VSTM5: variants seen among roughly 807,000 people sequenced by gnomAD.
VSTM5 encodes the protein V-set and transmembrane domain containing 5.
Under a neutral mutation model 20.3 loss-of-function variants are expected in VSTM5, and 21 were observed. The observed-to-expected ratio is 1.03, with a 90% CI of 0.73 to 1.49. VSTM5 has a LOEUF of 1.49. Among genes scored for constraint, VSTM5 ranks in the 40% most tolerant of loss-of-function variants. The pLI is 0.00. For missense variants in VSTM5, 219 were observed against 250.0 expected (o/e 0.88, Z 0.84); for synonymous variants, 100 against 102.5 (o/e 0.98, Z 0.14).
chr11:93,824,109 T>C (rs1944213492), intron 1 of VSTM5, among the ~76,000 whole-genome samples: 1 of 152,174 alleles, frequency 6.6e-6, no homozygotes, highest in African/African-American at 2.4e-5. Flanking sequence ...GGTTTCACCA[T>C]GTTGGTCAGG....
At chr11:93,822,719 G>A (rs553348861) in intron 1 of VSTM5, among the ~76,000 whole-genome samples, 2 of 151,880 alleles carry the variant, frequency 1.3e-5, no homozygotes, top group African/African-American at 4.8e-5. Flanking sequence ...TGAACTCCTG[G>A]CCTCAATTGA....
At chr11:93,850,334 G>A (rs1333891775) in intron 1 of VSTM5, 78 bp downstream of exon 1, 7 of 1,335,058 alleles carry the variant, frequency 5.2e-6, no homozygotes, top group Non-Finnish European at 7.2e-6. Flanking sequence ...GGGGGCCGCT[G>A]CTAGACCCCG....
chr11:93,847,400 C>A (rs2135741544), intron 1 of VSTM5, among the ~76,000 whole-genome samples: 1 of 152,304 alleles, frequency 6.6e-6, no homozygotes, highest in Admixed American at 6.5e-5. Context: ...GCCCAGAACC[C>A]ACAGCTCCAT....
chr11:93,829,036 G>A (rs1478219162), intron 1 of VSTM5, among the ~76,000 whole-genome samples: 1 of 152,148 alleles, frequency 6.6e-6, no homozygotes, highest in Non-Finnish European at 1.5e-5. Flanking sequence ...ACACATGTAA[G>A]GCTCAGCAAC....
chr11:93,830,703 G>T (rs1483360531), intron 1 of VSTM5, among the ~76,000 whole-genome samples: 1 of 152,002 alleles, frequency 6.6e-6, no homozygotes, highest in East Asian at 1.9e-4. Context: ...CCCCAAGTCT[G>T]CTGAGAGTCA....
At chr11:93,839,205 G>C (rs1447867623) in intron 1 of VSTM5, among the ~76,000 whole-genome samples, 2 of 152,250 alleles carry the variant, frequency 1.3e-5, no homozygotes, top group Non-Finnish European at 2.9e-5. Flanking sequence ...GTGGCCCCAA[G>C]AGACAGGCTG....
chr11:93,829,319 G>T (rs1407450950), intron 1 of VSTM5, among the ~76,000 whole-genome samples: 1 of 152,188 alleles, frequency 6.6e-6, no homozygotes, highest in Non-Finnish European at 1.5e-5. Flanking sequence ...CTGAAGTCAG[G>T]AGTTTCAGAA....
chr11:93,821,538 T>C (rs1425572115), intron 1 of VSTM5: 17 of 571,266 alleles, frequency 3.0e-5, no homozygotes, highest in Non-Finnish European at 5.2e-5. Context: ...TTTTTCCATT[T>C]TGAAGACTAT....
At chr11:93,838,302 G>A (rs912724904) in intron 1 of VSTM5, among the ~76,000 whole-genome samples, 1 of 151,878 alleles carries the variant, frequency 6.6e-6, no homozygotes, top group Admixed American at 6.6e-5. Context: ...GTGAAACTCC[G>A]TCTCTATTAA....
At chr11:93,821,385 T>C (rs928310466) in intron 1 of VSTM5, 62 bp from the exon 2 acceptor site, 18 of 1,377,556 alleles carry the variant, frequency 1.3e-5, no homozygotes, top group South Asian at 7.0e-5. Flanking sequence ...AGTGAACTTA[T>C]ATAATTTGTT....
chr11:93,844,587 TTAAAG>T (rs1356918271), intron 1 of VSTM5, among the ~76,000 whole-genome samples: 3 of 152,162 alleles, frequency 2.0e-5, no homozygotes, highest in Non-Finnish European at 2.9e-5. Flanking sequence ...AAAAGCCTGA[TTAAAG>T]TAAAGAATGA....
intron 1 of VSTM5, among the ~76,000 whole-genome samples, chr11:93,833,795 T>C (rs1944301572): frequency 6.6e-6 from 1 of 152,114 alleles, no homozygotes; most frequent in Admixed American, 6.5e-5. Flanking sequence ...AGTTACAGCA[T>C]CATCCTGTGT....
intron 1 of VSTM5, among the ~76,000 whole-genome samples, chr11:93,838,471 TA>T (rs1180287204): frequency 7.1e-6 from 1 of 140,898 alleles, no homozygotes; most frequent in Non-Finnish European, 1.6e-5. Flanking sequence ...GACTCCATCG[TA>T]AAAAAACCCA....
rs201934395 is a variant in VSTM5 at position 93,844,668 on chromosome 11, T to TTC, written c.91+5742_91+5743dup. Reference sequence around the variant, plus strand: ...TCACAGTTCGCCAGTGCTAAGAACTTTCTCTCTCTCTCCTTACCTGACTAC... The same window carrying TTC: ...TCACAGTTCGCCAGTGCTAAGAACTTTCTCTCTCTCTCTCCTTACCTGACTAC... On this transcript the variant is annotated intron_variant, in intron 1 of 3. Transcript: ENST00000409977. Among the ~76,000 whole-genome samples, 584 of 152,182 alleles carry TTC rather than the reference T, an allele frequency of 3.8e-3. 11 individuals carry two copies. Among genetic ancestry groups the TTC allele is most frequent in the African/African-American group, 0.013 (548 of 41,496 alleles).
chr11:93,838,158 G>A (rs7125919), intron 1 of VSTM5, among the ~76,000 whole-genome samples: 33,959 of 151,928 alleles, frequency 0.22, 4,982 homozygotes, highest in African/African-American at 0.42. Flanking sequence ...GAGCCACTTC[G>A]TGGCTTTTCT....
At chr11:93,842,824 G>A (rs184698051) in intron 1 of VSTM5, among the ~76,000 whole-genome samples, 92 of 152,338 alleles carry the variant, frequency 6.0e-4, no homozygotes, top group African/African-American at 2.0e-3. Flanking sequence ...ATTCAGGGCC[G>A]GGGACAGCGG....
intron 1 of VSTM5, among the ~76,000 whole-genome samples, chr11:93,837,252 G>A (rs1370924932): frequency 6.6e-6 from 1 of 152,090 alleles, no homozygotes; most frequent in African/African-American, 2.4e-5. Flanking sequence ...GGCTGGTCTC[G>A]AACTCCTGAC....
intron 1 of VSTM5, among the ~76,000 whole-genome samples, chr11:93,832,753 A>G (rs1430170118): frequency 6.6e-6 from 1 of 152,178 alleles, no homozygotes; most frequent in African/African-American, 2.4e-5. Context: ...TTTGATCACT[A>G]CTTTACAGAT....
intron 1 of VSTM5, chr11:93,821,600 G>A: frequency 2.3e-6 from 1 of 435,402 alleles, no homozygotes; most frequent in Non-Finnish European, 4.2e-6. Context: ...TTGTAGCAAG[G>A]TGGACTACAG....
Sources: gnomAD v4.1 joint callset for allele counts (sites outside exome capture counted in the v4.1 genomes callset) on GRCh38, gnomAD v4.1.1 for gene constraint, MANE v1.5 for transcripts, NCBI Gene and HGNC (gene_info 2026-07-23, HGNC 2026-07-21) for gene names.